Variants in SRGAP3 observed in about 807,000 individuals in gnomAD.
SRGAP3 encodes SLIT-ROBO Rho GTPase-activating protein 3.
SRGAP3 carries 39 observed loss-of-function variants against 121.1 expected under a neutral mutation model. The ratio of observed to expected loss-of-function variants is 0.32; its 90% CI spans 0.25 to 0.42. The LOEUF is 0.42. Ranked by LOEUF, SRGAP3 falls within the 10% of genes least tolerant of loss-of-function variation. The pLI, the probability that SRGAP3 is intolerant of heterozygous loss-of-function variation, is 1.00. For missense variants in SRGAP3, 1,213 were observed against 1,470.6 expected (o/e 0.82, Z 2.86); for synonymous variants, 601 against 570.0 (o/e 1.05, Z -0.77).
chr3:9,301,474 G>A (rs1422689980), intron 3 of SRGAP3, among the ~76,000 whole-genome samples: 1 of 152,216 alleles, frequency 6.6e-6, no homozygotes, highest in Non-Finnish European at 1.5e-5. Context: ...AAAGCACTTT[G>A]CAGGGGAGCA....
chr3:9,012,947 C>G (rs190927352), intron 17 of SRGAP3, among the ~76,000 whole-genome samples: 20 of 152,218 alleles, frequency 1.3e-4, no homozygotes, highest in African/African-American at 4.8e-4. Flanking sequence ...AAGAATGAAG[C>G]CAACACAGAA....
At chr3:9,187,357 T>C (rs1035440639) in intron 1 of SRGAP3, among the ~76,000 whole-genome samples, 1 of 152,110 alleles carries the variant, frequency 6.6e-6, no homozygotes, top group African/African-American at 2.4e-5. Flanking sequence ...CAGAGTGGTA[T>C]TTCATCACTG....
chr3:9,246,714 A>G lies in SRGAP3; in HGVS notation c.67+2171T>C, dbSNP rs1001507193. ...CAATAATTATGATGGTGATTAACAC[A>G]CAGAATTTTAAAAGAAAAGATTCCA... On this transcript the variant is annotated intron_variant, in intron 1 of 21. Coordinates refer to ENST00000383836, the MANE Select transcript of SRGAP3 (RefSeq NM_014850.4). 2.0e-5 allele frequency among the ~76,000 whole-genome samples: 3 copies of G among 152,178 alleles called. No individual in the cohort carries two copies. The South Asian group carries it at 6.2e-4, about 32-fold the overall frequency.
chr3:9,317,721 A>G (rs926299656), intron 3 of SRGAP3, among the ~76,000 whole-genome samples: 1 of 152,258 alleles, frequency 6.6e-6, no homozygotes, highest in African/African-American at 2.4e-5. Context: ...TTTCCAATTC[A>G]GTCACTCCAG....
intron 1 of SRGAP3, among the ~76,000 whole-genome samples, chr3:9,147,841 G>T (rs1027517459): frequency 6.6e-6 from 1 of 152,162 alleles, no homozygotes; most frequent in African/African-American, 2.4e-5. Context: ...TAAAGCAGAT[G>T]ACATGGGCAG....
At chr3:9,171,975 G>A (rs1421725750) in intron 1 of SRGAP3, among the ~76,000 whole-genome samples, 5 of 151,856 alleles carry the variant, frequency 3.3e-5, no homozygotes, top group East Asian at 3.9e-4. Context: ...GTCTCCTGCC[G>A]TATCTCTGGA....
At chr3:8,986,787 T>G (rs549151083) in intron 21 of SRGAP3, among the ~76,000 whole-genome samples, 4 of 152,364 alleles carry the variant, frequency 2.6e-5, no homozygotes, top group Admixed American at 2.0e-4. Context: ...TCTGCCTACA[T>G]AATTCCCGAG....
intron 18 of SRGAP3, among the ~76,000 whole-genome samples, chr3:8,997,932 G>A (rs1191695235): frequency 6.6e-6 from 1 of 151,456 alleles, no homozygotes; most frequent in Admixed American, 6.6e-5. Flanking sequence ...CCAGGCTGGA[G>A]TGCAGTGGTG....
At position 9,104,833 on chromosome 3, in the gene SRGAP3, C is replaced by G; in HGVS notation, c.270G>C (p.Gln90His). ...SSREHQFKKDQYLLSPVNCWY... is the reference protein window; with the variant it reads ...SSREHQFKKDHYLLSPVNCWY... Reference sequence around the variant, plus strand: ...AACAGTTCACAGGCGAGAGGAGGTACTGGTCCTTCCTGTGGAAACCAAGAA... The same window carrying G: ...AACAGTTCACAGGCGAGAGGAGGTAGTGGTCCTTCCTGTGGAAACCAAGAA... Residue 90 changes from glutamine to histidine, a missense_variant, in exon 3 of 22, where the codon CAG (glutamine) becomes CAC (histidine). Around this residue, in one of 2 missense-constraint regions of SRGAP3, gnomAD observed 793 missense variants for 1,032.9 expected, o/e 0.77. Transcript: ENST00000383836. 6.2e-7 allele frequency: 1 copy of G among 1,614,244 alleles called. No individual in the cohort carries two copies. Among genetic ancestry groups the G allele is most frequent in the Non-Finnish European group, 8.5e-7 (1 of 1,180,038 alleles).
In SRGAP3 at chr3:8,985,778, T is replaced by G; in HGVS notation, c.3041A>C (p.His1014Pro). The change falls in exon 22 of 22, where the codon CAC becomes CCC. Residue 1014 changes from histidine (H) to proline (P), a missense_variant. By Grantham distance (77) the His-to-Pro change is moderately conservative. Transcript: ENST00000383836. This position sits in a 1 kb window ranked among gnomAD's most constrained non-coding sequence, Gnocchi z 5.1. Reference protein sequence around the residue: ...PVSSEPASPLHTIVIRDPDAA... With the variant: ...PVSSEPASPLPTIVIRDPDAA... Reference sequence around the variant, plus strand: ...ATCGGGGTCGCGGATGACGATGGTGTGAAGGGGACTGGCGGGCTCCGAGCT... The same window carrying G: ...ATCGGGGTCGCGGATGACGATGGTGGGAAGGGGACTGGCGGGCTCCGAGCT... 1 of 1,599,928 alleles carries G rather than the reference T, an allele frequency of 6.3e-7. No individual in the cohort carries two copies. The highest frequency in any genetic ancestry group is 8.5e-7 in the Non-Finnish European group (1 of 1,179,754).
Position 9,155,446 on chromosome 3 carries a change from A to T in SRGAP3, c.68-30529T>A, listed in dbSNP as rs189354706. ...CTCATGTCTTTCTTCAATTATGGGA[A>T]AATCTGCATTCAATATCTTAGCAAA... is the stretch of plus-strand genomic sequence containing the variant. On this transcript the variant is annotated intron_variant, in intron 1 of 21. Coordinates refer to ENST00000383836, the MANE Select transcript of SRGAP3 (RefSeq NM_014850.4). 9.9e-5 allele frequency among the ~76,000 whole-genome samples: 15 copies of T among 152,260 alleles called. No individual in the cohort carries two copies. In the East Asian group the frequency reaches 2.5e-3, roughly 26 times the overall value.
At chr3:9,170,437 A>T (rs1239685269) in intron 1 of SRGAP3, among the ~76,000 whole-genome samples, 1 of 152,110 alleles carries the variant, frequency 6.6e-6, no homozygotes, top group African/African-American at 2.4e-5. Context: ...GTTCCAGGGG[A>T]AAGAAACTCT....
At chr3:9,033,000 G>A (rs1205009814) in intron 11 of SRGAP3, among the ~76,000 whole-genome samples, 1 of 152,052 alleles carries the variant, frequency 6.6e-6, no homozygotes, top group Non-Finnish European at 1.5e-5. Context: ...TAAATCTTAG[G>A]GGGAATATAG....
intron 1 of SRGAP3, among the ~76,000 whole-genome samples, chr3:9,141,553 GGTGTGTGTGTGTGTGTGTGTGT>G (rs3067669): frequency 2.2e-4 from 31 of 138,460 alleles, no homozygotes; most frequent in East Asian, 1.3e-3. Context: ...TGACTTCAGG[GGTGTGTGTGTGTGTGTGTGTGT>G]GTGTGTGTGT....
intron 1 of SRGAP3, among the ~76,000 whole-genome samples, chr3:9,344,175 C>G (rs1425623747): frequency 6.6e-6 from 1 of 151,810 alleles, no homozygotes; most frequent in Non-Finnish European, 1.5e-5. Flanking sequence ...CAAAAATTGG[C>G]TGGGCACGGT....
chr3:8,994,548 C>T (rs776587048), intron 18 of SRGAP3, 25 bp from the exon 19 acceptor site: 10 of 1,610,124 alleles, frequency 6.2e-6, no homozygotes, highest in East Asian at 4.5e-5. Context: ...AGGGAAAAAG[C>T]GTCTCTGAGG....
At chr3:9,174,632 C>T (rs895294746) in intron 1 of SRGAP3, among the ~76,000 whole-genome samples, 1 of 152,168 alleles carries the variant, frequency 6.6e-6, no homozygotes, top group Non-Finnish European at 1.5e-5. Context: ...CGGGAGTTCA[C>T]CTAAGGTTTC....
chr3:9,006,332 G>A (rs1211681513), intron 18 of SRGAP3, among the ~76,000 whole-genome samples: 1 of 150,622 alleles, frequency 6.6e-6, no homozygotes, highest in Non-Finnish European at 1.5e-5. Flanking sequence ...CCAGGGAGTC[G>A]GAGGCTGCAG....
intron 1 of SRGAP3, among the ~76,000 whole-genome samples, chr3:9,206,227 G>T (rs750658148): frequency 1.3e-5 from 2 of 152,096 alleles, no homozygotes; most frequent in Non-Finnish European, 2.9e-5. Flanking sequence ...TAACCTCTAC[G>T]TGCATTATTG....
Sources: gnomAD v4.1 joint callset for allele counts (sites outside exome capture counted in the v4.1 genomes callset) on GRCh38, gnomAD v4.1.1 for gene constraint, gnomAD v4.1.1 regional missense constraint, Gnocchi (gnomAD v3.1) non-coding constraint, MANE v1.5 for transcripts, NCBI Gene and HGNC (gene_info 2026-07-23, HGNC 2026-07-21) for gene names.